ALK: variants seen among roughly 807,000 people sequenced by gnomAD.
ALK encodes ALK tyrosine kinase receptor.
In ALK, 74 loss-of-function variants were observed where a neutral mutation model predicts 163.1. The observed-to-expected ratio is 0.45, with a 90% CI of 0.38 to 0.55. ALK has a LOEUF of 0.55. ALK is among the 20% of genes least tolerant of loss of function. The probability of loss-of-function intolerance (pLI) is 0.00; values close to 1 mark genes in which losing one functional copy is unlikely to be tolerated. For missense variants in ALK, 2,063 were observed against 2,105.3 expected (o/e 0.98, Z 0.39); for synonymous variants, 960 against 843.2 (o/e 1.14, Z -2.40).
chr2:29,800,555 A>G (rs1049368628), intron 1 of ALK, among the ~76,000 whole-genome samples: 1 of 152,180 alleles, frequency 6.6e-6, no homozygotes, highest in African/African-American at 2.4e-5. Context: ...AACCCCCTGC[A>G]GCTACCAACC....
At chr2:29,869,929 A>G (rs1666534463) in intron 1 of ALK, among the ~76,000 whole-genome samples, 1 of 152,202 alleles carries the variant, frequency 6.6e-6, no homozygotes, top group Non-Finnish European at 1.5e-5. Flanking sequence ...GAAAATACAA[A>G]TGGTAAATAT....
intron 4 of ALK, among the ~76,000 whole-genome samples, chr2:29,475,868 C>CAG (rs10630110): frequency 0.83 from 125,921 of 151,490 alleles, 52,721 homozygotes; most frequent in Non-Finnish European, 0.89. Flanking sequence ...TCACAATAAA[C>CAG]AGAGAGAGAG....
intron 3 of ALK, among the ~76,000 whole-genome samples, chr2:29,620,740 A>G (rs1676011846): frequency 6.6e-6 from 1 of 152,212 alleles, no homozygotes; most frequent in Non-Finnish European, 1.5e-5. Flanking sequence ...AAATGTTAGC[A>G]GAGTATTTAA....
intron 1 of ALK, among the ~76,000 whole-genome samples, chr2:29,868,150 T>TAGGAAA (rs1666488055): frequency 6.6e-6 from 1 of 151,412 alleles, no homozygotes; most frequent in Non-Finnish European, 1.5e-5. Flanking sequence ...GGCAAGGAGG[T>TAGGAAA]AGGAAAAGGA....
At chr2:29,789,807 C>T (rs1257222413) in intron 1 of ALK, among the ~76,000 whole-genome samples, 3 of 152,088 alleles carry the variant, frequency 2.0e-5, no homozygotes, top group Non-Finnish European at 4.4e-5. Flanking sequence ...TGGAGTGGAA[C>T]CTGGATAATA....
At chr2:29,450,513 G>A (rs1558329623) in intron 4 of ALK, among the ~76,000 whole-genome samples, 1 of 151,982 alleles carries the variant, frequency 6.6e-6, no homozygotes, top group African/African-American at 2.4e-5. Flanking sequence ...AAAAACAAAC[G>A]CCAATATAAG....
chr2:29,252,488 T>C (rs1481043573), intron 11 of ALK, among the ~76,000 whole-genome samples: 2 of 152,154 alleles, frequency 1.3e-5, no homozygotes, highest in Non-Finnish European at 2.9e-5. Flanking sequence ...ATTACGTAAA[T>C]GTGAAAGGTT....
chr2:29,688,647 C>T (rs1354821189), intron 3 of ALK, among the ~76,000 whole-genome samples: 2 of 152,076 alleles, frequency 1.3e-5, no homozygotes, highest in African/African-American at 2.4e-5. Flanking sequence ...TTAGATCATC[C>T]GGTTTGAAAC....
At chr2:29,334,254 G>C (rs1276275508) in intron 5 of ALK, among the ~76,000 whole-genome samples, 2 of 152,138 alleles carry the variant, frequency 1.3e-5, no homozygotes, top group African/African-American at 4.8e-5. Context: ...TCATCCAGCT[G>C]CAAGTGACTT....
At chr2:29,709,126 G>A (rs944575232) in intron 2 of ALK, among the ~76,000 whole-genome samples, 1 of 152,148 alleles carries the variant, frequency 6.6e-6, no homozygotes, top group African/African-American at 2.4e-5. Context: ...GCTGTCAAAA[G>A]AGAAATTCCT....
At chr2:29,514,844 C>T (rs1031876666) in intron 4 of ALK, among the ~76,000 whole-genome samples, 1 of 152,150 alleles carries the variant, frequency 6.6e-6, no homozygotes, top group Non-Finnish European at 1.5e-5. Flanking sequence ...TCAGGACTAC[C>T]CTCCCTTTCC....
chr2:29,446,054 C>G (rs1294769122), intron 4 of ALK, among the ~76,000 whole-genome samples: 6 of 137,436 alleles, frequency 4.4e-5, no homozygotes, highest in African/African-American at 1.7e-4. Context: ...AGCCGAGATC[C>G]CGCCACTGCA....
chr2:29,435,901 T>C lies in ALK; in HGVS notation c.1155-52042A>G, dbSNP rs563628994. Reference sequence around the variant, plus strand: ...TGGCTTTCATAATGCTAAGATTTGGTTTGAGTATAACTTTGGTCGAAAAAA... The same window carrying C: ...TGGCTTTCATAATGCTAAGATTTGGCTTGAGTATAACTTTGGTCGAAAAAA... On this transcript the variant is annotated intron_variant, in intron 4 of 28. Transcript: ENST00000389048. 1.1e-4 allele frequency among the ~76,000 whole-genome samples: 17 copies of C among 152,252 alleles called. No individual in the cohort carries two copies. In the South Asian group the frequency reaches 3.3e-3, roughly 30 times the overall value.
chr2:29,297,712 G>A (rs1379538151), intron 8 of ALK, among the ~76,000 whole-genome samples: 1 of 152,192 alleles, frequency 6.6e-6, no homozygotes, highest in Non-Finnish European at 1.5e-5. Context: ...GTTTTTCATT[G>A]TGTCTTTATT....
chr2:29,566,996 G>C (rs1674210788), intron 3 of ALK, among the ~76,000 whole-genome samples: 2 of 152,086 alleles, frequency 1.3e-5, no homozygotes, highest in Non-Finnish European at 2.9e-5. Context: ...GTAATTTTCT[G>C]TTTATCTTCA....
chr2:29,202,054 C>T (rs34418741), intron 26 of ALK, among the ~76,000 whole-genome samples: 42,487 of 151,918 alleles, frequency 0.28, 7,125 homozygotes, highest in East Asian at 0.74. Flanking sequence ...AGTTCCAAGG[C>T]CGTCTGTGTT....
chr2:29,354,224 A>T (rs1668187404), intron 5 of ALK, among the ~76,000 whole-genome samples: 1 of 151,872 alleles, frequency 6.6e-6, no homozygotes, highest in Admixed American at 6.6e-5. Context: ...TCCTGTCCTG[A>T]CTCCTCACAG....
chr2:29,568,661 A>G (rs1674263585), intron 3 of ALK, among the ~76,000 whole-genome samples: 1 of 152,224 alleles, frequency 6.6e-6, no homozygotes, highest in Non-Finnish European at 1.5e-5. Context: ...CAGAACCTCC[A>G]AAGTGCAGGA....
intron 1 of ALK, among the ~76,000 whole-genome samples, chr2:29,766,988 C>T (rs980900058): frequency 1.1e-4 from 17 of 152,166 alleles, no homozygotes; most frequent in Admixed American, 3.9e-4. Flanking sequence ...AACAGCAATC[C>T]AACCCAAAGA....
Sources: allele counts gnomAD v4.1 joint callset (sites outside exome capture counted in the v4.1 genomes callset), GRCh38; gene constraint gnomAD v4.1.1; transcripts MANE v1.5; gene names NCBI Gene and HGNC (gene_info 2026-07-23, HGNC 2026-07-21).